Variants in CACTIN observed in about 807,000 individuals in gnomAD.
The protein encoded by CACTIN is splicing factor Cactin.
In CACTIN, 20 loss-of-function variants were observed where a neutral mutation model predicts 84.9. That is an observed-to-expected ratio of 0.24 (90% CI 0.17 to 0.34). The LOEUF (loss-of-function observed/expected upper bound fraction) is 0.34. Among genes scored for constraint, CACTIN ranks in the 10% least tolerant of loss-of-function variants. The pLI is 1.00. For synonymous variants in CACTIN, 549 were observed against 467.9 expected (o/e 1.17, Z -2.24); for missense variants, 897 against 1,117.2 (o/e 0.80, Z 2.81).
At chr19:3,612,828 G>A (rs903148692) in intron 9 of CACTIN, 7 of 716,590 alleles carry the variant, frequency 9.8e-6, no homozygotes, top group Non-Finnish European at 1.8e-5. Flanking sequence ...GCCGGTAAAA[G>A]CTTCCACCAC....
At chr19:3,626,457 G>A in intron 1 of CACTIN, 139 bp downstream of exon 1, 2 of 977,388 alleles carry the variant, frequency 2.0e-6, no homozygotes, top group East Asian at 6.5e-5. Flanking sequence ...ATTCCAACCG[G>A]TGGTCAATTG....
chr19:3,618,801 CA>C (rs1245846931), intron 6 of CACTIN, 73 bp downstream of exon 6: 1 of 1,220,294 alleles, frequency 8.2e-7, no homozygotes, highest in African/African-American at 1.5e-5. Context: ...GGCCCCACAG[CA>C]AGTCTGAGGC....
At chr19:3,613,036 T>G in intron 9 of CACTIN, 22 bp downstream of exon 9, 19 of 742,608 alleles carry the variant, frequency 2.6e-5, no homozygotes, top group East Asian at 4.4e-5. Flanking sequence ...CCCCACCCCC[T>G]GGCCTCCAGC....
At chr19:3,620,424 G>T in intron 3 of CACTIN, 152 bp from the exon 4 acceptor site, 1 of 918,772 alleles carries the variant, frequency 1.1e-6, no homozygotes, top group Non-Finnish European at 1.7e-6. Context: ...CAGACCTTGG[G>T]AAGGGAGAGG....
chr19:3,617,512 A>G (rs1169060054), intron 6 of CACTIN, among the ~76,000 whole-genome samples: 2 of 152,190 alleles, frequency 1.3e-5, no homozygotes, highest in Non-Finnish European at 2.9e-5. Context: ...TGGAGGCAGA[A>G]GGCCATGGAA....
chr19:3,621,834 G>A lies in CACTIN; in HGVS notation c.643-1032C>T, dbSNP rs148819868. ...GCAGAGCATGTCCAGGCAGGGGCGCGGCAGTGTGAGGGCCCCGAGGCGGAA... is the reference window on the plus strand; with the variant it reads ...GCAGAGCATGTCCAGGCAGGGGCGCAGCAGTGTGAGGGCCCCGAGGCGGAA... On this transcript the variant is annotated intron_variant, in intron 2 of 9. Transcript: ENST00000429344. Among the ~76,000 whole-genome samples the A allele has an allele frequency of 7.9e-5, 12 of 152,298 alleles. No homozygotes were observed. The East Asian group carries it at 1.4e-3, about 17-fold the overall frequency.
intron 1 of CACTIN, among the ~76,000 whole-genome samples, chr19:3,625,872 C>A (rs1174864520): frequency 6.6e-6 from 1 of 152,250 alleles, no homozygotes; most frequent in African/African-American, 2.4e-5. Context: ...ATTTTGGTTT[C>A]TCTGTACTGG....
intron 2 of CACTIN, 83 bp downstream of exon 2, chr19:3,623,605 G>A (rs1478534698): frequency 4.0e-6 from 5 of 1,245,154 alleles, no homozygotes; most frequent in Non-Finnish European, 5.6e-6. Flanking sequence ...ATCAAGGGCA[G>A]GCTGGGAGTG....
Position 3,619,003 on chromosome 19 carries a change from G to A in CACTIN, c.1048-14C>T, listed in dbSNP as rs536021360. ...CTCCATGTAGACCTGGGGGCAGGGG[G>A]CAGGGGTCAGGACACGGGTGTGGCT... is the stretch of plus-strand genomic sequence containing the variant. On this transcript the variant is annotated splice_polypyrimidine_tract_variant and intron_variant, in intron 5 of 9. Coordinates refer to ENST00000429344, the MANE Select transcript of CACTIN (RefSeq NM_001080543.2). 5.2e-6 allele frequency: 8 copies of A among 1,550,734 alleles called. No homozygotes were observed. Among genetic ancestry groups the A allele is most frequent in the African/African-American group, 1.4e-5 (1 of 73,194 alleles).
Position 3,624,172 on chromosome 19 carries a change from G to C in CACTIN, c.168-10C>G. Reference sequence around the variant, plus strand: ...TTCCTCTGAATCTGACCTGCGGAGAGGACCATGGATGCCTGCTCAGTGCCT... The same window carrying C: ...TTCCTCTGAATCTGACCTGCGGAGACGACCATGGATGCCTGCTCAGTGCCT... On this transcript the variant is annotated splice_polypyrimidine_tract_variant and intron_variant, in intron 1 of 9. Transcript: ENST00000429344. 1 of 1,541,366 alleles carries C rather than the reference G, an allele frequency of 6.5e-7. No homozygotes were observed. The highest frequency in any genetic ancestry group is 1.2e-5 in the South Asian group (1 of 83,788).
At chr19:3,625,423 C>T (rs2033313599) in intron 1 of CACTIN, among the ~76,000 whole-genome samples, 2 of 152,048 alleles carry the variant, frequency 1.3e-5, no homozygotes, top group Admixed American at 6.6e-5. Context: ...CGAAAAAACA[C>T]AAAGATGACA....
Position 3,613,449 on chromosome 19 carries a change from G to GCCGC in CACTIN, c.1478+14_1478+15insGCGG. 1 of 1,565,768 alleles carries GCCGC rather than the reference G, an allele frequency of 6.4e-7. No individual in the cohort carries two copies. The highest frequency in any genetic ancestry group is 8.6e-7 in the Non-Finnish European group (1 of 1,161,142). On this transcript the variant is annotated intron_variant, in intron 8 of 9. Transcript: ENST00000429344. The stretch of plus-strand genomic sequence containing the variant: ...GCGTCTGCATCGGCGTCCCCGGGGT[G>GCCGC]CCGGCCGGGCCTACCTGCGGCTGGG...
chr19:3,624,191 A>G, intron 1 of CACTIN, 29 bp from the exon 2 acceptor site: 2 of 1,509,470 alleles, frequency 1.3e-6, no homozygotes, highest in Non-Finnish European at 1.8e-6. Context: ...ATGCCTGCTC[A>G]GTGCCTGCAG....
At chr19:3,619,988 A>C in intron 4 of CACTIN, 139 bp downstream of exon 4, 1 of 999,842 alleles carries the variant, frequency 1.0e-6, no homozygotes, top group Non-Finnish European at 1.5e-6. Context: ...GCCGCCCGGG[A>C]AGGGGTCAGG....
At chr19:3,616,600 A>G (rs2033111091) in intron 6 of CACTIN, 2 of 151,780 alleles carry the variant, frequency 1.3e-5, no homozygotes, top group South Asian at 4.2e-4. Context: ...AGAGCAAGAC[A>G]CCGTCTCAAA....
intron 1 of CACTIN, among the ~76,000 whole-genome samples, chr19:3,625,158 T>C (rs1275570896): frequency 7.2e-5 from 11 of 152,268 alleles, no homozygotes; most frequent in East Asian, 5.8e-4. Context: ...TCCCAAAGTG[T>C]TGGGATTACA....
intron 6 of CACTIN, among the ~76,000 whole-genome samples, chr19:3,618,181 G>GCC (rs200514176): frequency 1.7e-4 from 14 of 82,274 alleles, no homozygotes; most frequent in African/African-American, 5.4e-4. Context: ...TTAGACCGGG[G>GCC]GGGGGGGGGG....
At chr19:3,620,325 CG>C (rs147569786) in intron 3 of CACTIN, 53 bp from the exon 4 acceptor site, 3 of 1,526,376 alleles carry the variant, frequency 2.0e-6, no homozygotes, top group Non-Finnish European at 1.8e-6. Flanking sequence ...TGCAGGGCTG[CG>C]GGGGGAGGGG....
At chr19:3,621,566 G>A (rs1356929251) in intron 2 of CACTIN, among the ~76,000 whole-genome samples, 3 of 152,196 alleles carry the variant, frequency 2.0e-5, no homozygotes, top group Non-Finnish European at 2.9e-5. Context: ...ACCCAGCCTG[G>A]GGCCGCTTCC....
Sources: allele counts gnomAD v4.1 joint callset (sites outside exome capture counted in the v4.1 genomes callset), GRCh38; gene constraint gnomAD v4.1.1; transcripts MANE v1.5; gene names NCBI Gene and HGNC (gene_info 2026-07-23, HGNC 2026-07-21).